Variants in TDRD5 observed in about 807,000 individuals in gnomAD.
TDRD5 encodes the protein tudor domain-containing protein 5.
Under a neutral mutation model 120.6 loss-of-function variants are expected in TDRD5, and 41 were observed. That is an observed-to-expected ratio of 0.34 (90% CI 0.26 to 0.44). The LOEUF (loss-of-function observed/expected upper bound fraction) is 0.44, where lower values mean the gene tolerates loss of function less well. Among genes scored for constraint, TDRD5 ranks in the 20% least tolerant of loss-of-function variants. The probability of loss-of-function intolerance (pLI) is 1.00; values close to 1 mark genes in which losing one functional copy is unlikely to be tolerated. For missense variants in TDRD5, 1,006 were observed against 1,221.2 expected, an observed-to-expected ratio of 0.82 and a Z score of 2.63; for synonymous variants, 430 against 433.7, an observed-to-expected ratio of 0.99 and a Z score of 0.11.
Position 179,595,799 on chromosome 1 carries a change from A to G in TDRD5, c.812A>G (p.His271Arg). The stretch of plus-strand genomic sequence containing the variant: ...GTAGTGGAGACTTCAAGACTGAATC[A>G]CACTGAAAAATTAAACCAGGTGAGA... ...LNVVETSRLN[H>R]TEKLNQLENT... is the part of the protein sequence containing the mutation. Residue 271 changes from histidine to arginine, a missense_variant, in exon 4 of 18, where the codon CAC becomes CGC. His to Arg is a conservative substitution (Grantham distance 29). Coordinates refer to ENST00000444136, the MANE Select transcript of TDRD5 (RefSeq NM_001199085.3). The G allele has an allele frequency of 6.2e-7, 1 of 1,605,460 alleles. No homozygotes were observed. Among genetic ancestry groups the G allele is most frequent in the Non-Finnish European group, 8.5e-7 (1 of 1,177,274 alleles).
At chr1:179,609,991 C>G (rs140418954) in intron 4 of TDRD5, among the ~76,000 whole-genome samples, 1 of 152,136 alleles carries the variant, frequency 6.6e-6, no homozygotes, top group Non-Finnish European at 1.5e-5. Context: ...GTTACTTCTT[C>G]CTACACCATA....
chr1:179,626,805 A>G (rs543856635), intron 6 of TDRD5, among the ~76,000 whole-genome samples: 2 of 152,178 alleles, frequency 1.3e-5, no homozygotes, highest in South Asian at 4.1e-4. Flanking sequence ...AGAAAATGAC[A>G]GGTATTAAAC....
intron 14 of TDRD5, among the ~76,000 whole-genome samples, chr1:179,659,161 G>A (rs1418010277): frequency 6.6e-6 from 1 of 152,100 alleles, no homozygotes; most frequent in Non-Finnish European, 1.5e-5. Flanking sequence ...TGTCAACACA[G>A]GATGTGGTCT....
intron 9 of TDRD5, among the ~76,000 whole-genome samples, chr1:179,639,342 C>T (rs566327863): frequency 2.0e-5 from 3 of 152,074 alleles, no homozygotes; most frequent in Admixed American, 2.0e-4. Context: ...GTTATACTTC[C>T]TAAAGATAAG....
At chr1:179,688,070 A>C (rs1194152609) in intron 17 of TDRD5, among the ~76,000 whole-genome samples, 1 of 152,114 alleles carries the variant, frequency 6.6e-6, no homozygotes, top group Non-Finnish European at 1.5e-5. Flanking sequence ...GTTATGTGTG[A>C]ATTTGATCCT....
intron 9 of TDRD5, among the ~76,000 whole-genome samples, chr1:179,638,905 G>A (rs1677899897): frequency 1.6e-5 from 1 of 64,496 alleles, no homozygotes; most frequent in South Asian, 5.0e-4. Flanking sequence ...AGGAGAGCTT[G>A]GGAAACCTGA....
intron 4 of TDRD5, among the ~76,000 whole-genome samples, chr1:179,601,793 T>A (rs1264423540): frequency 2.0e-5 from 3 of 152,238 alleles, no homozygotes; most frequent in Non-Finnish European, 4.4e-5. Flanking sequence ...GATTGCTGGA[T>A]CAACTGGTAG....
rs754763890 is a variant in TDRD5, at chr1:179,592,880, TTG to T, written c.232+35_232+36del. ...TAAGATTTTTGAAGGTCTATAAACTTTGTAATAAAAACAATTGCTTAGTAAAT... is the reference window on the plus strand; with the variant it reads ...TAAGATTTTTGAAGGTCTATAAACTTTAATAAAAACAATTGCTTAGTAAAT... On this transcript the variant is annotated intron_variant, in intron 2 of 17. Coordinates refer to ENST00000444136, the MANE Select transcript of TDRD5 (RefSeq NM_001199085.3). 6 of 1,587,172 alleles carry T rather than the reference TTG, an allele frequency of 3.8e-6. No homozygotes were observed. The African/African-American group carries it at 8.1e-5, about 21-fold the overall frequency.
At chr1:179,594,008 T>A in intron 3 of TDRD5, 141 bp downstream of exon 3, 1 of 1,087,954 alleles carries the variant, frequency 9.2e-7, no homozygotes, top group Non-Finnish European at 1.3e-6. Context: ...TCAATCTACT[T>A]AAGCCTTAGT....
chr1:179,658,250 T>G (rs7534216), intron 14 of TDRD5, among the ~76,000 whole-genome samples: 114,301 of 152,044 alleles, frequency 0.75, 43,108 homozygotes, highest in East Asian at 0.88. Flanking sequence ...TTTGTACAGG[T>G]TGATACTGTC....
At chr1:179,679,297 T>C (rs1680306062) in intron 17 of TDRD5, among the ~76,000 whole-genome samples, 1 of 152,202 alleles carries the variant, frequency 6.6e-6, no homozygotes, top group African/African-American at 2.4e-5. Context: ...TATGGCCATG[T>C]TCATGAGGGA....
chr1:179,681,257 T>A (rs72706773), intron 17 of TDRD5, among the ~76,000 whole-genome samples: 8 of 149,160 alleles, frequency 5.4e-5, no homozygotes, highest in Non-Finnish European at 7.5e-5. Flanking sequence ...TTTTAAAAAA[T>A]TTTTGTACAG....
Position 179,690,815 on chromosome 1 carries a change from T to G in TDRD5, c.2980T>G (p.Cys994Gly). 6.2e-7 allele frequency: 1 copy of G among 1,614,254 alleles called. No individual in the cohort carries two copies. Among genetic ancestry groups the G allele is most frequent in the Non-Finnish European group, 8.5e-7 (1 of 1,180,030 alleles). The change falls in exon 18 of 18, where the codon TGC becomes GGC. Residue 994 changes from cysteine (C) to glycine (G), a missense_variant. By Grantham distance (159) the Cys-to-Gly change is radical (BLOSUM62 -3). This residue lies in a region of TDRD5 where 403 missense variants were observed against 448.1 expected (regional missense o/e 0.90). Coordinates refer to ENST00000444136, the MANE Select transcript of TDRD5 (RefSeq NM_001199085.3). ...DQLSLILSYE[C>G]QISQKLYIPR... is the part of the protein sequence containing the mutation. ...GCTGTCTTTGATTTTGTCTTATGAG[T>G]GCCAGATTTCTCAGAAGCTCTACAT... is the stretch of plus-strand genomic sequence containing the variant.
intron 6 of TDRD5, among the ~76,000 whole-genome samples, chr1:179,623,690 G>A (rs1233211022): frequency 7.7e-6 from 1 of 130,460 alleles, no homozygotes; most frequent in Non-Finnish European, 1.6e-5. Flanking sequence ...CTGGAGTACA[G>A]TGGCATGATC....
chr1:179,687,107 C>T (rs12021840), intron 17 of TDRD5, among the ~76,000 whole-genome samples: 5,777 of 152,180 alleles, frequency 0.038, 172 homozygotes, highest in East Asian at 0.11. Flanking sequence ...TTTGCTCTTG[C>T]TTCTCTAGTT....
intron 11 of TDRD5, among the ~76,000 whole-genome samples, chr1:179,641,952 A>G (rs1195171003): frequency 6.6e-6 from 1 of 152,042 alleles, no homozygotes; most frequent in African/African-American, 2.4e-5. Flanking sequence ...TTTATTTCCG[A>G]TAAGTTTCTT....
At chr1:179,671,006 C>T (rs1041587364) in intron 17 of TDRD5, among the ~76,000 whole-genome samples, 2 of 152,086 alleles carry the variant, frequency 1.3e-5, no homozygotes, top group Non-Finnish European at 1.5e-5. Flanking sequence ...GTCTGAGATC[C>T]AATTCAAGTT....
chr1:179,651,031 C>T lies in TDRD5; in HGVS notation c.1965C>T (p.Gly655=). 6.2e-7 allele frequency: 1 copy of T among 1,614,030 alleles called. No individual in the cohort carries two copies. The highest frequency in any genetic ancestry group is 8.5e-7 in the Non-Finnish European group (1 of 1,179,996). Residue 655 remains glycine (G), a synonymous_variant, in exon 12 of 18, where the codon GGC becomes GGT. Transcript: ENST00000444136. ...TCCATCATGTCTTGAGAACAGAGGGCCATGCTATTGTATGCCGAGAAAATA... is the reference window on the plus strand; with the variant it reads ...TCCATCATGTCTTGAGAACAGAGGGTCATGCTATTGTATGCCGAGAAAATA... The part of the protein sequence containing the change: ...VYFHHVLRTE[G]HAIVCRENIS...
chr1:179,657,686 TTTTA>T (rs892506961), intron 14 of TDRD5, among the ~76,000 whole-genome samples: 5 of 152,166 alleles, frequency 3.3e-5, no homozygotes, highest in African/African-American at 1.2e-4. Context: ...TGTATTTCCT[TTTTA>T]TTTATTTTTG....
Sources: gnomAD v4.1 joint callset for allele counts (sites outside exome capture counted in the v4.1 genomes callset) on GRCh38, gnomAD v4.1.1 for gene constraint, gnomAD v4.1.1 regional missense constraint, MANE v1.5 for transcripts, NCBI Gene and HGNC (gene_info 2026-07-23, HGNC 2026-07-21) for gene names.